Variants in DSCAM observed in about 807,000 individuals in gnomAD.
The protein encoded by DSCAM is cell adhesion molecule DSCAM.
DSCAM carries 47 observed loss-of-function variants against 217.7 expected under a neutral mutation model. The observed-to-expected ratio is 0.22, with a 90% confidence interval of 0.17 to 0.28. The LOEUF (loss-of-function observed/expected upper bound fraction) is 0.28, where lower values mean the gene tolerates loss of function less well. DSCAM is among the 10% of genes least tolerant of loss of function. The probability of loss-of-function intolerance (pLI) is 1.00; values close to 1 mark genes in which losing one functional copy is unlikely to be tolerated. For synonymous variants in DSCAM, 1,056 were observed against 1,015.3 expected, an observed-to-expected ratio of 1.04 and a Z score of -0.76; for missense variants, 2,080 against 2,618.3, an observed-to-expected ratio of 0.79 and a Z score of 4.49.
intron 3 of DSCAM, among the ~76,000 whole-genome samples, chr21:40,466,629 C>T (rs1225744819): frequency 6.6e-6 from 1 of 152,212 alleles, no homozygotes; most frequent in Non-Finnish European, 1.5e-5. Context: ...TTTCTCCCTG[C>T]ACTGTCCAGG....
At chr21:40,607,128 C>T (rs2089249857) in intron 3 of DSCAM, among the ~76,000 whole-genome samples, 1 of 152,210 alleles carries the variant, frequency 6.6e-6, no homozygotes, top group Non-Finnish European at 1.5e-5. Flanking sequence ...TTTTCTTCCA[C>T]TGATATTAAG....
intron 14 of DSCAM, among the ~76,000 whole-genome samples, chr21:40,185,022 G>A (rs190616918): frequency 1.4e-3 from 214 of 152,240 alleles, no homozygotes; most frequent in African/African-American, 4.7e-3. Context: ...TGTTGGGTGC[G>A]GTGCTGGGTG....
In DSCAM at chr21:40,055,833, T is replaced by A; in HGVS notation, c.4927A>T (p.Thr1643Ser). The change falls in exon 29 of 33, where the codon ACC (threonine) becomes TCC (serine). Residue 1643 changes from threonine (T) to serine (S), a missense_variant. Around this residue, in one of 5 missense-constraint regions of DSCAM, gnomAD observed 1,144 missense variants for 1,421.1 expected, o/e 0.81. Coordinates refer to ENST00000400454, the MANE Select transcript of DSCAM (RefSeq NM_001389.5). ...TTGCTTAACGTATCTGAAGTCCGGG[T>A]ATTCTTACTGGGAATAAAATGGGGT... Reference protein sequence around the residue: ...SLAEMLMSKNTRTSDTLSKQQ... With the variant: ...SLAEMLMSKNSRTSDTLSKQQ... The A allele has an allele frequency of 6.2e-7, 1 of 1,612,690 alleles. No homozygotes were observed. The highest frequency in any genetic ancestry group is 8.5e-7 in the Non-Finnish European group (1 of 1,178,734).
intron 16 of DSCAM, among the ~76,000 whole-genome samples, chr21:40,163,861 T>C (rs1207625767): frequency 6.6e-6 from 1 of 152,170 alleles, no homozygotes; most frequent in Non-Finnish European, 1.5e-5. Context: ...CTCAGCATGT[T>C]TGCTCTCTGG....
intron 9 of DSCAM, among the ~76,000 whole-genome samples, chr21:40,301,174 C>T (rs1253490891): frequency 1.3e-5 from 2 of 152,202 alleles, no homozygotes; most frequent in Non-Finnish European, 1.5e-5. Context: ...AACTGGTCTA[C>T]CTGCCACGAA....
intron 3 of DSCAM, among the ~76,000 whole-genome samples, chr21:40,496,576 T>C (rs576198032): frequency 2.4e-4 from 36 of 152,022 alleles, no homozygotes; most frequent in Non-Finnish European, 5.0e-4. Flanking sequence ...GGGGAAAGGC[T>C]CCATAATATT....
chr21:40,143,754 G>A (rs2090320918), intron 17 of DSCAM, among the ~76,000 whole-genome samples: 1 of 152,164 alleles, frequency 6.6e-6, no homozygotes, highest in Non-Finnish European at 1.5e-5. Context: ...TCGCGCCACT[G>A]CACTCCAGCC....
chr21:40,561,740 A>T (rs1043786959), intron 3 of DSCAM, among the ~76,000 whole-genome samples: 1 of 152,192 alleles, frequency 6.6e-6, no homozygotes, highest in Non-Finnish European at 1.5e-5. Context: ...ATGAAACAAT[A>T]ATGACGAGAC....
At chr21:40,603,724 T>C (rs531217061) in intron 3 of DSCAM, among the ~76,000 whole-genome samples, 8 of 152,262 alleles carry the variant, frequency 5.3e-5, no homozygotes, top group African/African-American at 1.4e-4. Context: ...TTGCTGTTGT[T>C]ACTGTTGTTG....
intron 11 of DSCAM, among the ~76,000 whole-genome samples, chr21:40,272,042 C>T (rs979903290): frequency 2.6e-5 from 4 of 151,822 alleles, no homozygotes; most frequent in African/African-American, 9.7e-5. Context: ...ATGATTGAGA[C>T]TTGTCTCATT....
intron 20 of DSCAM, among the ~76,000 whole-genome samples, chr21:40,101,622 T>C (rs992575841): frequency 6.6e-6 from 1 of 152,142 alleles, no homozygotes; most frequent in Non-Finnish European, 1.5e-5. Context: ...GCTCTACCGA[T>C]GTCATGTAAC....
At chr21:40,355,039 G>C (rs73902157) in intron 4 of DSCAM, among the ~76,000 whole-genome samples, 8 of 152,126 alleles carry the variant, frequency 5.3e-5, no homozygotes, top group Non-Finnish European at 1.0e-4. Flanking sequence ...AGGGAGAGTG[G>C]TGGATGAGAC....
intron 19 of DSCAM, among the ~76,000 whole-genome samples, chr21:40,133,309 AAAATGAGCAGCAATTTAAATTTTT>A (rs2146689385): frequency 6.6e-6 from 1 of 152,354 alleles, no homozygotes; most frequent in East Asian, 1.9e-4. Context: ...GTTGTAGAAC[AAAATGAGCAGCAATTTAAATTTTT>A]ACTAAATCAC....
At chr21:40,332,201 C>T (rs1444755659) in intron 8 of DSCAM, among the ~76,000 whole-genome samples, 3 of 152,128 alleles carry the variant, frequency 2.0e-5, no homozygotes, top group Non-Finnish European at 2.9e-5. Flanking sequence ...TGTTGTCTGT[C>T]TTGACTTTTT....
In DSCAM at chr21:40,443,527, C is replaced by T. The variant is rs577966404; in HGVS notation, c.509-74282G>A. Among the ~76,000 whole-genome samples the T allele has an allele frequency of 6.6e-3, 1,011 of 152,276 alleles. 26 individuals are homozygous for T. In the South Asian group the frequency reaches 0.095, roughly 14 times the overall value. On this transcript the variant is annotated intron_variant, in intron 3 of 32. Transcript: ENST00000400454. ...GCTGGGGAAGCCAGGTTTCCACAGT[C>T]CTACTCCTCATGACTAGGTTATTTC...
At chr21:40,475,759 A>G (rs2145976611) in intron 3 of DSCAM, among the ~76,000 whole-genome samples, 1 of 152,244 alleles carries the variant, frequency 6.6e-6, no homozygotes, top group South Asian at 2.1e-4. Context: ...TGAACCTGGG[A>G]GGCGGAGGTT....
intron 3 of DSCAM, among the ~76,000 whole-genome samples, chr21:40,484,750 C>T (rs1486335019): frequency 6.6e-6 from 1 of 152,132 alleles, no homozygotes; most frequent in Non-Finnish European, 1.5e-5. Context: ...GTGCTGCTGA[C>T]ATAAGTCTGC....
chr21:40,539,254 C>T (rs1438296016), intron 3 of DSCAM, among the ~76,000 whole-genome samples: 1 of 152,070 alleles, frequency 6.6e-6, no homozygotes, highest in Non-Finnish European at 1.5e-5. Flanking sequence ...CTGGTAATCC[C>T]AGCACTTTGG....
chr21:40,830,819 A>G (rs775322125), intron 1 of DSCAM, among the ~76,000 whole-genome samples: 3 of 152,224 alleles, frequency 2.0e-5, no homozygotes, highest in Non-Finnish European at 4.4e-5. Flanking sequence ...AGGTTCATTC[A>G]CCACTCCATA....
Sources: allele counts gnomAD v4.1 joint callset (sites outside exome capture counted in the v4.1 genomes callset), GRCh38; gene constraint gnomAD v4.1.1; regional missense constraint gnomAD v4.1.1; transcripts MANE v1.5; gene names NCBI Gene and HGNC (gene_info 2026-07-23, HGNC 2026-07-21).